Variants in CTNNBIP1 observed in about 807,000 individuals in gnomAD.
The protein encoded by CTNNBIP1 is beta-catenin-interacting protein 1.
Under a neutral mutation model 11.8 loss-of-function variants are expected in CTNNBIP1, and 7 were observed. That is an observed-to-expected ratio of 0.60 (90% CI 0.34 to 1.12). The LOEUF (loss-of-function observed/expected upper bound fraction) is 1.12. CTNNBIP1 is among the 50% of genes most tolerant of loss of function. CTNNBIP1 has a pLI of 0.03. For synonymous variants in CTNNBIP1, 58 were observed against 43.9 expected (o/e 1.32, Z -1.26); for missense variants, 101 against 113.4 (o/e 0.89, Z 0.50).
chr1:9,868,645 T>G (rs1397314220), intron 5 of CTNNBIP1, among the ~76,000 whole-genome samples: 1 of 152,224 alleles, frequency 6.6e-6, no homozygotes, highest in Non-Finnish European at 1.5e-5. Flanking sequence ...TATTATTTTT[T>G]GAGACAGAGT....
intron 1 of CTNNBIP1, among the ~76,000 whole-genome samples, chr1:9,903,769 T>C (rs906713690): frequency 2.6e-5 from 4 of 152,198 alleles, no homozygotes; most frequent in African/African-American, 9.7e-5. Context: ...TCAAACCCTT[T>C]GGAGCAGCCA....
rs548400013 is a variant in CTNNBIP1 at position 9,899,557 on chromosome 1, A to G, written c.-144+10538T>C. Among the ~76,000 whole-genome samples, 45 of 148,554 alleles carry G rather than the reference A, an allele frequency of 3.0e-4. No homozygotes were observed. In the East Asian group the frequency reaches 8.0e-3, roughly 26 times the overall value. ...GGGTAGGTCACAAGGTCAGGAGATCAAGGCTATCTTGGCCAACATGGTGAA... is the reference window on the plus strand; with the variant it reads ...GGGTAGGTCACAAGGTCAGGAGATCGAGGCTATCTTGGCCAACATGGTGAA... On this transcript the variant is annotated intron_variant, in intron 1 of 5. Transcript: ENST00000377263.
At chr1:9,898,076 C>T (rs549760323) in intron 1 of CTNNBIP1, among the ~76,000 whole-genome samples, 10 of 150,540 alleles carry the variant, frequency 6.6e-5, no homozygotes, top group Non-Finnish European at 1.0e-4. Context: ...GATCGCACCA[C>T]TGAACTCCAG....
At chr1:9,856,948 C>T (rs1204276168) in intron 5 of CTNNBIP1, among the ~76,000 whole-genome samples, 1 of 151,188 alleles carries the variant, frequency 6.6e-6, no homozygotes, top group Non-Finnish European at 1.5e-5. Flanking sequence ...CATGGTGAAA[C>T]CCAGTCTCTA....
intron 1 of CTNNBIP1, among the ~76,000 whole-genome samples, chr1:9,892,149 G>GCAGCCTGGGCA (rs1275972104): frequency 6.6e-6 from 1 of 151,718 alleles, no homozygotes; most frequent in African/African-American, 2.4e-5. Context: ...CAGCCTGGGC[G>GCAGCCTGGGCA]CGGTGGCTCA....
At chr1:9,907,878 T>A (rs918623954) in intron 1 of CTNNBIP1, among the ~76,000 whole-genome samples, 1 of 152,246 alleles carries the variant, frequency 6.6e-6, no homozygotes, top group Non-Finnish European at 1.5e-5. Context: ...CTGGTATTCC[T>A]GCCTCCACCT....
chr1:9,876,841 T>TACACACACACAC (rs1368991651), intron 3 of CTNNBIP1, among the ~76,000 whole-genome samples: 3 of 97,312 alleles, frequency 3.1e-5, no homozygotes, highest in Non-Finnish European at 5.8e-5. Flanking sequence ...ACTCCTGCTA[T>TACACACACACAC]ACATACACAC....
chr1:9,876,510 C>T (rs1435016248), intron 3 of CTNNBIP1, among the ~76,000 whole-genome samples: 2 of 152,042 alleles, frequency 1.3e-5, no homozygotes, highest in African/African-American at 2.4e-5. Flanking sequence ...CCCAGCTACT[C>T]GGAGACCGAG....
intron 1 of CTNNBIP1, among the ~76,000 whole-genome samples, chr1:9,909,886 G>A (rs1639700557): frequency 1.3e-5 from 2 of 152,086 alleles, no homozygotes; most frequent in Admixed American, 1.3e-4. Flanking sequence ...CGGGCGAAGA[G>A]TCAGGGAGGC....
rs1638878337 is a variant in CTNNBIP1 at position 9,872,223 on chromosome 1, A to G, written c.-24-135T>C. The stretch of plus-strand genomic sequence containing the variant: ...AGTCTCCCTTCTGGGAGCATGGGGC[A>G]GGTGGCGAGGTGCTGGGTTCCTTTC... On this transcript the variant is annotated intron_variant, in intron 3 of 5. Transcript: ENST00000377263. This position sits in a 1 kb window ranked among gnomAD's most constrained non-coding sequence, Gnocchi z 4.0. The G allele has an allele frequency of 6.3e-6, 4 of 639,838 alleles. No individual in the cohort carries two copies. Among genetic ancestry groups the G allele is most frequent in the South Asian group, 3.6e-5 (2 of 55,784 alleles). 39.6% of individuals were successfully genotyped at this position (639,838 alleles called of 1,614,324 possible). A position where few individuals can be genotyped will look rare whatever the true frequency, so the allele number is the denominator to read the frequency against.
chr1:9,880,571 G>C (rs1189874702), intron 2 of CTNNBIP1, among the ~76,000 whole-genome samples: 2 of 152,200 alleles, frequency 1.3e-5, no homozygotes. Context: ...TCCACAATGG[G>C]TTGAACTAAT....
intron 5 of CTNNBIP1, among the ~76,000 whole-genome samples, chr1:9,863,034 C>T (rs1246242117): frequency 6.6e-6 from 1 of 152,166 alleles, no homozygotes; most frequent in Non-Finnish European, 1.5e-5. Context: ...ACAACAGAAC[C>T]CATGACGCGG....
intron 5 of CTNNBIP1, among the ~76,000 whole-genome samples, chr1:9,854,683 T>C (rs1007963164): frequency 3.5e-5 from 5 of 142,682 alleles, no homozygotes; most frequent in Admixed American, 2.8e-4. Context: ...TAAAAAAAAA[T>C]TTTTTTTTTT....
At chr1:9,882,743 G>A (rs1217222329) in intron 2 of CTNNBIP1, among the ~76,000 whole-genome samples, 4 of 152,118 alleles carry the variant, frequency 2.6e-5, no homozygotes, top group Non-Finnish European at 4.4e-5. Flanking sequence ...TGTGGCTGTG[G>A]CTGTGGGGAG....
chr1:9,900,409 G>A lies in CTNNBIP1; in HGVS notation c.-144+9686C>T, dbSNP rs369858444. ...GATGTTTTTAAATGAAGTGGAATGC[G>A]GTCAGATGAGAATGAAAGAACACCC... is the stretch of plus-strand genomic sequence containing the variant. On this transcript the variant is annotated intron_variant, in intron 1 of 5. Coordinates refer to ENST00000377263, the MANE Select transcript of CTNNBIP1 (RefSeq NM_020248.3). Among the ~76,000 whole-genome samples, 10 of 152,236 alleles carry A rather than the reference G, an allele frequency of 6.6e-5. No homozygotes were observed. The East Asian group carries it at 1.7e-3, about 26-fold the overall frequency.
At chr1:9,909,052 CAA>C (rs1310875377) in intron 1 of CTNNBIP1, among the ~76,000 whole-genome samples, 1 of 152,174 alleles carries the variant, frequency 6.6e-6, no homozygotes, top group Non-Finnish European at 1.5e-5. Context: ...TTTAATGGCA[CAA>C]GAGATCAGTT....
chr1:9,872,923 C>A lies in CTNNBIP1; in HGVS notation c.-24-835G>T, dbSNP rs1283308884. ...CCTGGATGAGTCAGAAATAACGCAGCAGCTGCTGGGGTGGAGCCTTATCAG... is the reference window on the plus strand; with the variant it reads ...CCTGGATGAGTCAGAAATAACGCAGAAGCTGCTGGGGTGGAGCCTTATCAG... On this transcript the variant is annotated intron_variant, in intron 3 of 5. Transcript: ENST00000377263. The surrounding 1 kb of genome is among the most constrained non-coding windows in gnomAD (Gnocchi z 4.0). Among the ~76,000 whole-genome samples, 1 of 152,160 alleles carries A rather than the reference C, an allele frequency of 6.6e-6. No individual in the cohort carries two copies. Among genetic ancestry groups the A allele is most frequent in the African/African-American group, 2.4e-5 (1 of 41,412 alleles).
chr1:9,880,608 C>T (rs1639061600), intron 2 of CTNNBIP1, among the ~76,000 whole-genome samples: 1 of 152,190 alleles, frequency 6.6e-6, no homozygotes, highest in Admixed American at 6.5e-5. Context: ...AGCGTGAAAG[C>T]GTTCCTATTT....
In CTNNBIP1 at chr1:9,855,004, CAAGTT is replaced by C. The variant is rs546450276; in HGVS notation, c.188-4233_188-4229del. 2.9e-3 allele frequency among the ~76,000 whole-genome samples: 442 copies of C among 152,140 alleles called. 3 individuals carry two copies. Among genetic ancestry groups the C allele is most frequent in the African/African-American group, 9.8e-3 (405 of 41,512 alleles). ...CTAAAAAACTATTAGGACTAATAAACAAGTTAAAGGTACAGGATACAAGGTCAATA... is the reference window on the plus strand; with the variant it reads ...CTAAAAAACTATTAGGACTAATAAACAAAGGTACAGGATACAAGGTCAATA... On this transcript the variant is annotated intron_variant, in intron 5 of 5. Coordinates refer to ENST00000377263, the MANE Select transcript of CTNNBIP1 (RefSeq NM_020248.3).
Sources: allele counts gnomAD v4.1 joint callset (sites outside exome capture counted in the v4.1 genomes callset), GRCh38; gene constraint gnomAD v4.1.1; non-coding constraint Gnocchi (gnomAD v3.1); transcripts MANE v1.5; gene names NCBI Gene and HGNC (gene_info 2026-07-23, HGNC 2026-07-21).